The following FHAD1 variants were observed in gnomAD, a reference collection of about 807,000 sequenced individuals.
FHAD1 encodes forkhead associated phosphopeptide binding domain 1.
Under a neutral mutation model 191.3 loss-of-function variants are expected in FHAD1, and 146 were observed. The ratio of observed to expected loss-of-function variants is 0.76; its 90% CI spans 0.67 to 0.88. The LOEUF (loss-of-function observed/expected upper bound fraction) is 0.88, where lower values mean the gene tolerates loss of function less well. Among genes scored for constraint, FHAD1 ranks in the 40% least tolerant of loss-of-function variants. The probability of loss-of-function intolerance (pLI) is 0.00; values close to 1 mark genes in which losing one functional copy is unlikely to be tolerated. For missense variants in FHAD1, 1,635 were observed against 1,785.8 expected (o/e 0.92, Z 1.52); for synonymous variants, 616 against 672.3 (o/e 0.92, Z 1.29).
At chr1:15,272,664 G>A in intron 3 of FHAD1, 135 bp downstream of exon 3, 1 of 776,232 alleles carries the variant, frequency 1.3e-6, no homozygotes, top group Non-Finnish European at 2.0e-6. Flanking sequence ...AGCAGAGACA[G>A]AGTGGACCCT....
chr1:15,324,118 A>G (rs530205918), intron 10 of FHAD1, among the ~76,000 whole-genome samples: 74 of 152,330 alleles, frequency 4.9e-4, no homozygotes, highest in African/African-American at 1.6e-3. Flanking sequence ...AGAGGGAACT[A>G]GTATCACCCC....
At chr1:15,240,113 A>G (rs773989356) in intron 1 of FHAD1, among the ~76,000 whole-genome samples, 1 of 152,240 alleles carries the variant, frequency 6.6e-6, no homozygotes, top group Non-Finnish European at 1.5e-5. Flanking sequence ...ATTATGTTAC[A>G]TAAGATTATA....
chr1:15,348,978 T>C, intron 18 of FHAD1, 64 bp from the exon 19 acceptor site: 1 of 961,230 alleles, frequency 1.0e-6, no homozygotes, highest in Admixed American at 2.5e-5. Context: ...ATTATCATTA[T>C]CATTACTAGC....
intron 7 of FHAD1, among the ~76,000 whole-genome samples, chr1:15,309,727 G>A (rs542317128): frequency 2.0e-4 from 30 of 150,828 alleles, no homozygotes; most frequent in Non-Finnish European, 3.1e-4. Context: ...TATTTTATGC[G>A]TGGCCCAAGA....
upstream of FHAD1, among the ~76,000 whole-genome samples, chr1:15,244,486 G>A (rs1445107886): frequency 1.3e-5 from 2 of 152,162 alleles, no homozygotes; most frequent in East Asian, 3.9e-4. This position sits in a 1 kb window ranked among gnomAD's most constrained non-coding sequence, Gnocchi z 5.1. Context: ...AATGACAAGA[G>A]TTTGACCAAA....
chr1:15,329,403 C>T lies in FHAD1; in HGVS notation c.1768C>T (p.Gln590Ter). ...HDLKKEVDLL[Q>*]HLQVSPPVSG... ...CCTGAAGAAGGAGGTCGACCTTCTTCAGCACCTCCAGGTGAGCCCACCTGT... is the reference window on the plus strand; with the variant it reads ...CCTGAAGAAGGAGGTCGACCTTCTTTAGCACCTCCAGGTGAGCCCACCTGT... The change falls in exon 14 of 34, where the codon CAG becomes TAG. Residue 590 changes from glutamine (Q) to a stop codon, truncating the protein, a stop_gained. Coordinates refer to ENST00000688493, the MANE Select transcript of FHAD1 (RefSeq NM_001391957.1). LOFTEE classifies it high-confidence loss of function. The surrounding 1 kb of genome is among the most constrained non-coding windows in gnomAD (Gnocchi z 5.0). 1 of 1,551,170 alleles carries T rather than the reference C, an allele frequency of 6.4e-7. No homozygotes were observed. The highest frequency in any genetic ancestry group is 8.7e-7 in the Non-Finnish European group (1 of 1,146,850).
chr1:15,360,690 G>A lies in FHAD1; in HGVS notation c.2949G>A (p.Lys983=), dbSNP rs530305240. The change falls in exon 22 of 34, where the codon AAG becomes AAA. Residue 983 remains lysine, a synonymous_variant. Transcript: ENST00000688493. ...KKIEGEIATL[K]DNDPAPKEER... is the part of the protein sequence containing the mutation. Reference sequence around the variant, plus strand: ...TAGAAGGCGAGATTGCAACATTGAAGGACAATGACCCAGGTAAGTCCGAAG... The same window carrying A: ...TAGAAGGCGAGATTGCAACATTGAAAGACAATGACCCAGGTAAGTCCGAAG... The A allele has an allele frequency of 6.4e-7, 1 of 1,551,606 alleles. No individual in the cohort carries two copies. Among genetic ancestry groups the A allele is most frequent in the African/African-American group, 1.4e-5 (1 of 73,144 alleles).
intron 25 of FHAD1, among the ~76,000 whole-genome samples, chr1:15,368,761 G>T (rs895876171): frequency 3.9e-5 from 6 of 152,200 alleles, no homozygotes; most frequent in Non-Finnish European, 8.8e-5. Context: ...CCAACATATA[G>T]TGAAACCCTG....
intron 15 of FHAD1, among the ~76,000 whole-genome samples, chr1:15,339,923 T>C (rs1219823033): frequency 6.6e-6 from 1 of 152,164 alleles, no homozygotes; most frequent in Admixed American, 6.5e-5. Context: ...CCTCCCGGGT[T>C]CAAGTGATTC....
At position 15,360,490 on chromosome 1, in the gene FHAD1, G is replaced by A; in HGVS notation, c.2749G>A (p.Glu917Lys). ...TTKTKMIMVEERLILQQKMVK... is the reference protein window; with the variant it reads ...TTKTKMIMVEKRLILQQKMVK... Reference sequence around the variant, plus strand: ...CTCTGTTTCCCAGATCATGGTGGAAGAGCGGCTAATCCTGCAGCAGAAGAT... The same window carrying A: ...CTCTGTTTCCCAGATCATGGTGGAAAAGCGGCTAATCCTGCAGCAGAAGAT... The change falls in exon 22 of 34, where the codon GAG becomes AAG. Residue 917 changes from glutamate (E) to lysine (K), a missense_variant. Coordinates refer to ENST00000688493, the MANE Select transcript of FHAD1 (RefSeq NM_001391957.1). 6.4e-7 allele frequency: 1 copy of A among 1,551,312 alleles called. No homozygotes were observed. Among genetic ancestry groups the A allele is most frequent in the Non-Finnish European group, 8.7e-7 (1 of 1,146,860 alleles).
In FHAD1 at chr1:15,272,436, T is replaced by C. The variant is rs1278306235; in HGVS notation, c.207T>C (p.Ile69=). 1 of 1,551,658 alleles carries C rather than the reference T, an allele frequency of 6.4e-7. No homozygotes were observed. The highest frequency in any genetic ancestry group is 1.2e-5 in the South Asian group (1 of 84,054). The change falls in exon 3 of 34, where the codon ATT becomes ATC. Residue 69 remains isoleucine (I), a synonymous_variant. Coordinates refer to ENST00000688493, the MANE Select transcript of FHAD1 (RefSeq NM_001391957.1). ...RNGTFVNECH[I]QNVAVKLIPG... ...GCACGTTTGTCAACGAGTGCCACAT[T>C]CAAAACGTGGCTGTGAAGCTCATCC...
chr1:15,266,421 T>C (rs1036503905), intron 2 of FHAD1, among the ~76,000 whole-genome samples: 9 of 151,954 alleles, frequency 5.9e-5, no homozygotes, highest in African/African-American at 1.9e-4. Flanking sequence ...TTTTTTTTTT[T>C]TTAGCAGTTT....
chr1:15,317,296 C>G (rs940221298), intron 9 of FHAD1, among the ~76,000 whole-genome samples: 1 of 152,204 alleles, frequency 6.6e-6, no homozygotes, highest in Non-Finnish European at 1.5e-5. Context: ...TGACGCCCTC[C>G]GAATCCACCC....
intron 10 of FHAD1, among the ~76,000 whole-genome samples, chr1:15,323,702 C>T (rs1166593422): frequency 2.6e-5 from 4 of 152,168 alleles, no homozygotes; most frequent in African/African-American, 9.7e-5. Context: ...TGAGCAGCTG[C>T]AGGGTCCTGT....
At chr1:15,365,670 T>C (rs1170892372) in intron 23 of FHAD1, among the ~76,000 whole-genome samples, 157 bp from the exon 24 acceptor site, 1 of 152,044 alleles carries the variant, frequency 6.6e-6, no homozygotes, top group Non-Finnish European at 1.5e-5. Flanking sequence ...GTTTTTCTTT[T>C]AGAGTTTTTG....
rs1191579319 is a variant in FHAD1, at chr1:15,345,541, G to GAGTCGGCTGAGCCCC, written c.2346+27_2346+41dup. The GAGTCGGCTGAGCCCC allele has an allele frequency of 3.9e-6, 6 of 1,544,224 alleles. No individual in the cohort carries two copies. Among genetic ancestry groups the GAGTCGGCTGAGCCCC allele is most frequent in the Non-Finnish European group, 4.4e-6 (5 of 1,140,180 alleles). On this transcript the variant is annotated intron_variant, in intron 18 of 33. Coordinates refer to ENST00000688493, the MANE Select transcript of FHAD1 (RefSeq NM_001391957.1). ...AGAAGGAGGTACGCTCGGGGAGATAGAGTCGGCTGAGCCCCAGTCGGCTTG... is the reference window on the plus strand; with the variant it reads ...AGAAGGAGGTACGCTCGGGGAGATAGAGTCGGCTGAGCCCCAGTCGGCTGAGCCCCAGTCGGCTTG...
intron 31 of FHAD1, 116 bp from the exon 32 acceptor site, chr1:15,387,935 C>A: frequency 2.3e-6 from 1 of 428,786 alleles, no homozygotes; most frequent in Non-Finnish European, 4.5e-6. Flanking sequence ...CTTCTGCCCA[C>A]CTATCTCAGT....
intron 19 of FHAD1, among the ~76,000 whole-genome samples, chr1:15,350,998 C>T (rs562089345): frequency 6.6e-6 from 1 of 152,208 alleles, no homozygotes; most frequent in Non-Finnish European, 1.5e-5. Flanking sequence ...TCCTGAAGCT[C>T]AGGCTACAGC....
chr1:15,387,990 G>C, intron 31 of FHAD1, 61 bp from the exon 32 acceptor site: 3 of 964,178 alleles, frequency 3.1e-6, no homozygotes, highest in Non-Finnish European at 4.3e-6. Flanking sequence ...GTCCCAGATT[G>C]GAACGGGTAA....
Sources: gnomAD v4.1 joint callset for allele counts (sites outside exome capture counted in the v4.1 genomes callset) on GRCh38, gnomAD v4.1.1 for gene constraint, Gnocchi (gnomAD v3.1) non-coding constraint, MANE v1.5 for transcripts, NCBI Gene and HGNC (gene_info 2026-07-23, HGNC 2026-07-21) for gene names.